LRCH2: variants seen among roughly 807,000 people sequenced by gnomAD.
LRCH2 encodes the protein leucine-rich repeat and calponin homology domain-containing protein 2.
Under a neutral mutation model 68.9 loss-of-function variants are expected in LRCH2, and 38 were observed. The ratio of observed to expected loss-of-function variants is 0.55; its 90% CI spans 0.43 to 0.72. LRCH2 has a LOEUF of 0.72. LRCH2 is among the 30% of genes least tolerant of loss of function. The pLI is 0.00. For synonymous variants in LRCH2, 191 were observed against 208.1 expected (o/e 0.92, Z 0.71); for missense variants, 528 against 572.9 (o/e 0.92, Z 0.80).
chrX:115,170,848 T>C (rs782619867), intron 5 of LRCH2, among the ~76,000 whole-genome samples: 4 of 111,573 alleles, frequency 3.6e-5, no homozygotes, highest in Non-Finnish European at 7.5e-5. Context: ...ACTAAGATGT[T>C]TGGCATAAAA....
At chrX:115,133,160 A>T (rs1445251799) in intron 14 of LRCH2, among the ~76,000 whole-genome samples, 1 of 112,425 alleles carries the variant, frequency 8.9e-6, no homozygotes, top group Non-Finnish European at 1.9e-5. Flanking sequence ...TTCATATTTT[A>T]CTTCTTTTGG....
At chrX:115,126,588 C>T (rs1392789697) in intron 16 of LRCH2, 1 of 229,644 alleles carries the variant, frequency 4.4e-6, no homozygotes. Context: ...TCACTACAGA[C>T]ACTACAGACA....
chrX:115,119,267 A>G (rs1340663770), intron 20 of LRCH2, among the ~76,000 whole-genome samples: 3 of 108,974 alleles, frequency 2.8e-5, no homozygotes, highest in Non-Finnish European at 1.9e-5. Context: ...TATCTAGAAA[A>G]CCCCATTGTC....
intron 15 of LRCH2, among the ~76,000 whole-genome samples, chrX:115,128,405 C>T (rs187474962): frequency 4.6e-4 from 52 of 111,829 alleles, no homozygotes; most frequent in Admixed American, 1.6e-3. Flanking sequence ...CCTATACATA[C>T]ATACCTATGA....
At chrX:115,218,801 C>T (rs986076854) in intron 1 of LRCH2, among the ~76,000 whole-genome samples, 14 of 112,142 alleles carry the variant, frequency 1.2e-4, no homozygotes, top group Admixed American at 3.8e-4. Context: ...GCTGCTCGGC[C>T]TGCTGCCACC....
Position 115,211,026 on chromosome X carries a change from C to T in LRCH2, c.350-22656G>A, listed in dbSNP as rs782325706. Among the ~76,000 whole-genome samples, 10 of 112,016 alleles carry T rather than the reference C, an allele frequency of 8.9e-5. No individual in the cohort carries two copies. The South Asian group carries it at 2.3e-3, about 25-fold the overall frequency. The stretch of plus-strand genomic sequence containing the variant: ...GCTTTTCATTTTACAGGCTCATAGC[C>T]GAAAGGGTCTTGCCTTGTCTCAGGT... On this transcript the variant is annotated intron_variant, in intron 1 of 20. Coordinates refer to ENST00000317135, the MANE Select transcript of LRCH2 (RefSeq NM_020871.4).
chrX:115,133,539 T>A (rs1448136175), intron 14 of LRCH2, among the ~76,000 whole-genome samples: 1 of 112,184 alleles, frequency 8.9e-6, no homozygotes, highest in Non-Finnish European at 1.9e-5. Context: ...ATCAAGCAAG[T>A]CTATTGGTGT....
At chrX:115,119,074 C>G (rs2081132670) in intron 20 of LRCH2, among the ~76,000 whole-genome samples, 1 of 111,225 alleles carries the variant, frequency 9.0e-6, no homozygotes, top group Non-Finnish European at 1.9e-5. Context: ...AATGAATGGG[C>G]AAAAACTGGA....
chrX:115,126,221 GAATA>G (rs1408553773), intron 16 of LRCH2: 5 of 111,606 alleles, frequency 4.5e-5, no homozygotes, highest in African/African-American at 1.6e-4. Context: ...CAATAGACTT[GAATA>G]AATAAATTAG....
chrX:115,143,193 C>CA (rs1295978461), intron 14 of LRCH2, among the ~76,000 whole-genome samples: 8 of 111,113 alleles, frequency 7.2e-5, no homozygotes, highest in Middle Eastern at 9.5e-3. Flanking sequence ...ATCAATGAAA[C>CA]AAAAATATGG....
At chrX:115,190,401 G>A (rs1266202060) in intron 1 of LRCH2, 30 of 1,163,502 alleles carry the variant, frequency 2.6e-5, no homozygotes, top group East Asian at 3.3e-5. Flanking sequence ...GGGGGACACC[G>A]CCATCTTATG....
At chrX:115,190,172 C>A in intron 1 of LRCH2, 14 of 1,166,086 alleles carry the variant, frequency 1.2e-5, no homozygotes, top group Non-Finnish European at 1.6e-5. Context: ...GAGCCACTGC[C>A]CCCGTGCCGC....
At chrX:115,143,570 C>G (rs1261485479) in intron 14 of LRCH2, among the ~76,000 whole-genome samples, 1 of 111,112 alleles carries the variant, frequency 9.0e-6, no homozygotes, top group Admixed American at 9.6e-5. Context: ...AACCTAATAC[C>G]AATCCTACTC....
At chrX:115,128,749 G>T (rs1316694947) in intron 15 of LRCH2, among the ~76,000 whole-genome samples, 1 of 112,208 alleles carries the variant, frequency 8.9e-6, no homozygotes, top group Non-Finnish European at 1.9e-5. Context: ...ATCATAATTT[G>T]CCAGCCCCTG....
intron 6 of LRCH2, among the ~76,000 whole-genome samples, chrX:115,166,768 A>G (rs1248686443): frequency 9.0e-6 from 1 of 110,864 alleles, no homozygotes; most frequent in Non-Finnish European, 1.9e-5. Context: ...ATGCCCATCT[A>G]ATAAAGAGAG....
At chrX:115,211,757 A>AC (rs1349750154) in intron 1 of LRCH2, among the ~76,000 whole-genome samples, 1 of 104,845 alleles carries the variant, frequency 9.5e-6, no homozygotes, top group Non-Finnish European at 2.1e-5. Flanking sequence ...AACAACATCC[A>AC]CACACCCCCC....
At chrX:115,201,701 A>G (rs1556566304) in intron 1 of LRCH2, among the ~76,000 whole-genome samples, 1 of 111,901 alleles carries the variant, frequency 8.9e-6, no homozygotes, top group Non-Finnish European at 1.9e-5. Context: ...AACACATCCA[A>G]ATCAAAAAAG....
chrX:115,159,428 G>C (rs1556540696), intron 11 of LRCH2, among the ~76,000 whole-genome samples: 2 of 110,284 alleles, frequency 1.8e-5, no homozygotes, highest in East Asian at 5.7e-4. Flanking sequence ...TATTTTGACA[G>C]GGGATGATAA....
chrX:115,122,983 T>C (rs1201307651), intron 18 of LRCH2, 86 bp from the exon 19 acceptor site: 2 of 1,088,509 alleles, frequency 1.8e-6, no homozygotes, highest in African/African-American at 1.8e-5. Context: ...TATCCAAACA[T>C]TTTAAGGAGC....
Sources: gnomAD v4.1 joint callset for allele counts (sites outside exome capture counted in the v4.1 genomes callset) on GRCh38, gnomAD v4.1.1 for gene constraint, MANE v1.5 for transcripts, NCBI Gene and HGNC (gene_info 2026-07-23, HGNC 2026-07-21) for gene names.